Variants in LEMD3 observed in about 807,000 individuals in gnomAD.
The protein encoded by LEMD3 is LEM domain containing 3, also known as inner nuclear membrane protein Man1.
A neutral mutation model predicts 95.2 loss-of-function variants in LEMD3; 33 were observed. The ratio of observed to expected loss-of-function variants is 0.35; its 90% CI spans 0.26 to 0.46. LEMD3 has a LOEUF of 0.46. LEMD3 is among the 20% of genes least tolerant of loss of function. LEMD3 has a pLI of 1.00. For missense variants in LEMD3, 1,210 were observed against 1,192.8 expected (o/e 1.01, Z -0.21); for synonymous variants, 525 against 474.6 (o/e 1.11, Z -1.38).
chr12:65,175,559 C>G (rs1381252466), intron 1 of LEMD3, among the ~76,000 whole-genome samples: 1 of 152,158 alleles, frequency 6.6e-6, no homozygotes, highest in East Asian at 1.9e-4. Context: ...TGACAACTCC[C>G]TTCTTCATGA....
intron 1 of LEMD3, among the ~76,000 whole-genome samples, chr12:65,194,198 T>G (rs1869336748): frequency 6.6e-6 from 1 of 152,192 alleles, no homozygotes; most frequent in Non-Finnish European, 1.5e-5. Flanking sequence ...AGTTCCACAG[T>G]TGGCCTTGTA....
Position 65,170,504 on chromosome 12 carries a change from G to A in LEMD3, c.908G>A (p.Gly303Asp). 1.2e-6 allele frequency: 2 copies of A among 1,614,146 alleles called. No individual in the cohort carries two copies. The highest frequency in any genetic ancestry group is 1.7e-6 in the Non-Finnish European group (2 of 1,180,034). Reference protein sequence around the residue: ...PLPPLTAKSAGGRLETSVQGG... With the variant: ...PLPPLTAKSADGRLETSVQGG... ...CCCCCGCTGACTGCTAAATCGGCCG[G>A]CGGCAGGCTGGAGACTTCAGTTCAG... Residue 303 changes from glycine to aspartate, a missense_variant, in exon 1 of 13, where the codon GGC becomes GAC. Coordinates refer to ENST00000308330, the MANE Select transcript of LEMD3 (RefSeq NM_014319.5).
At chr12:65,215,895 G>GTTTT (rs67170565) in intron 2 of LEMD3, 82 bp from the exon 3 acceptor site, 65 of 446,736 alleles carry the variant, frequency 1.5e-4, no homozygotes, top group South Asian at 3.4e-4. Context: ...TAAATTTACT[G>GTTTT]TTTTTTTTTT....
intron 1 of LEMD3, among the ~76,000 whole-genome samples, chr12:65,208,405 C>T (rs1869828749): frequency 6.6e-6 from 1 of 152,060 alleles, no homozygotes; most frequent in Non-Finnish European, 1.5e-5. Flanking sequence ...CCCTAGTTTT[C>T]TAGTGACTGA....
intron 1 of LEMD3, among the ~76,000 whole-genome samples, chr12:65,183,553 A>G (rs1868969790): frequency 6.6e-6 from 1 of 152,166 alleles, no homozygotes; most frequent in Non-Finnish European, 1.5e-5. Flanking sequence ...TTTTGTTATC[A>G]TTTTAGACAT....
chr12:65,238,590 T>C lies in LEMD3; in HGVS notation c.1775+9T>C. The C allele has an allele frequency of 6.8e-6, 11 of 1,611,686 alleles. No individual in the cohort carries two copies. The highest frequency in any genetic ancestry group is 9.3e-6 in the Non-Finnish European group (11 of 1,177,828). On this transcript the variant is annotated intron_variant, in intron 5 of 12. Coordinates refer to ENST00000308330, the MANE Select transcript of LEMD3 (RefSeq NM_014319.5). ...AAAGATGTTGGAATAAGGTAAAGGA[T>C]CTGATTTCCACTTTGACCATTCTGT...
At chr12:65,186,450 A>G (rs1295778394) in intron 1 of LEMD3, among the ~76,000 whole-genome samples, 2 of 152,052 alleles carry the variant, frequency 1.3e-5, no homozygotes, top group Non-Finnish European at 2.9e-5. Flanking sequence ...GGATAAAAAT[A>G]TTACTCATTT....
At chr12:65,235,924 TAATA>T (rs1446803318) in intron 4 of LEMD3, among the ~76,000 whole-genome samples, 1 of 152,190 alleles carries the variant, frequency 6.6e-6, no homozygotes, top group African/African-American at 2.4e-5. Flanking sequence ...GTAAATGCTA[TAATA>T]AACACCCAAG....
At chr12:65,218,027 A>G (rs959312609) in intron 3 of LEMD3, among the ~76,000 whole-genome samples, 5 of 152,242 alleles carry the variant, frequency 3.3e-5, no homozygotes, top group African/African-American at 1.2e-4. Flanking sequence ...TGCTAAAGAT[A>G]GGATTAGTTA....
intron 10 of LEMD3, among the ~76,000 whole-genome samples, chr12:65,243,794 CTG>C (rs1350751635): frequency 1.3e-5 from 2 of 152,192 alleles, no homozygotes; most frequent in South Asian, 2.1e-4. Context: ...TTATACATGA[CTG>C]TCAATATTTT....
intron 1 of LEMD3, among the ~76,000 whole-genome samples, chr12:65,192,719 C>T (rs1869282256): frequency 6.6e-6 from 1 of 152,112 alleles, no homozygotes; most frequent in Non-Finnish European, 1.5e-5. Flanking sequence ...ACCTGAATAT[C>T]TTTCGTTCTG....
chr12:65,186,657 C>T (rs1203863870), intron 1 of LEMD3, among the ~76,000 whole-genome samples: 1 of 144,342 alleles, frequency 6.9e-6, no homozygotes. Flanking sequence ...TTTTCGACAC[C>T]TGTTTTCTTT....
chr12:65,201,328 GA>G (rs1565786814), intron 1 of LEMD3, among the ~76,000 whole-genome samples: 1 of 152,108 alleles, frequency 6.6e-6, no homozygotes, highest in Non-Finnish European at 1.5e-5. Context: ...ACAGTATCCC[GA>G]AAATAATCTG....
At chr12:65,193,613 A>G (rs945772572) in intron 1 of LEMD3, among the ~76,000 whole-genome samples, 1 of 151,960 alleles carries the variant, frequency 6.6e-6, no homozygotes, top group African/African-American at 2.4e-5. Flanking sequence ...CTGATCACCA[A>G]TTTCAGGTGT....
At chr12:65,237,740 A>T (rs1391000785) in intron 4 of LEMD3, among the ~76,000 whole-genome samples, 1 of 152,192 alleles carries the variant, frequency 6.6e-6, no homozygotes, top group Non-Finnish European at 1.5e-5. Context: ...ACAAAGATGA[A>T]TGCTAGTTTT....
chr12:65,247,100 A>G lies in LEMD3; in HGVS notation c.*775A>G, dbSNP rs993168962. On this transcript the variant is annotated 3_prime_UTR_variant, in exon 13 of 13. Coordinates refer to ENST00000308330, the MANE Select transcript of LEMD3 (RefSeq NM_014319.5). ...TATGGCTGTACTTTTGCATAGATCA[A>G]ACAGCCAAACACCTGGAAGTATTAG... The G allele has an allele frequency of 4.6e-5, 7 of 152,580 alleles. No individual in the cohort carries two copies. The highest frequency in any genetic ancestry group is 8.8e-5 in the Non-Finnish European group (6 of 67,998). 9.5% of individuals were successfully genotyped at this position (152,580 alleles called of 1,614,324 possible).
intron 1 of LEMD3, among the ~76,000 whole-genome samples, chr12:65,206,913 T>A (rs550558220): frequency 6.6e-6 from 1 of 152,134 alleles, no homozygotes; most frequent in Non-Finnish European, 1.5e-5. Context: ...ATATTTTATT[T>A]TCTGTAGTTA....
intron 1 of LEMD3, among the ~76,000 whole-genome samples, chr12:65,197,239 C>G (rs956663286): frequency 2.6e-5 from 4 of 152,060 alleles, no homozygotes; most frequent in Admixed American, 6.6e-5. Context: ...TTTCCCATCT[C>G]AAGGTGTGGC....
At position 65,191,924 on chromosome 12, in the gene LEMD3, C is replaced by CA. The variant is rs35109917; in HGVS notation, c.1523-18979dup. 1.5e-3 allele frequency among the ~76,000 whole-genome samples: 108 copies of CA among 74,264 alleles called. 1 individual carries two copies. The highest frequency in any genetic ancestry group is 5.8e-3 in the African/African-American group (102 of 17,572). 48.7% of individuals were successfully genotyped at this position (74,264 alleles called of 152,430 possible). The stretch of plus-strand genomic sequence containing the variant: ...TGGGCAACAGAGCCAGACTCCGTCT[C>CA]AAAAAAAAAAAAAAAAAAAAAAAGA... On this transcript the variant is annotated intron_variant, in intron 1 of 12. Coordinates refer to ENST00000308330, the MANE Select transcript of LEMD3 (RefSeq NM_014319.5).
Sources: allele counts gnomAD v4.1 joint callset (sites outside exome capture counted in the v4.1 genomes callset), GRCh38; gene constraint gnomAD v4.1.1; transcripts MANE v1.5; gene names NCBI Gene and HGNC (gene_info 2026-07-23, HGNC 2026-07-21).